The following FHIT variants were observed in gnomAD, a reference collection of about 807,000 sequenced individuals.
FHIT encodes bis(5'-adenosyl)-triphosphatase.
FHIT carries 19 observed loss-of-function variants against 17.9 expected under a neutral mutation model. That is an observed-to-expected ratio of 1.06 (90% CI 0.74 to 1.56). FHIT has a LOEUF of 1.56. Among genes scored for constraint, FHIT ranks in the 40% most tolerant of loss-of-function variants. The pLI is 0.00. For missense variants in FHIT, 248 were observed against 189.2 expected (o/e 1.31, Z -1.82); for synonymous variants, 81 against 69.7 (o/e 1.16, Z -0.81).
intron 8 of FHIT, among the ~76,000 whole-genome samples, chr3:59,812,976 G>A (rs112171322): frequency 0.014 from 2,081 of 152,082 alleles, 47 homozygotes; most frequent in African/African-American, 0.047. Flanking sequence ...AAAATTCCGT[G>A]CCCCTGGGTT....
Position 60,346,550 on chromosome 3 carries a change from C to G in FHIT, c.103+190310G>C, listed in dbSNP as rs78779204. Among the ~76,000 whole-genome samples, 181 of 152,222 alleles carry G rather than the reference C, an allele frequency of 1.2e-3. 1 individual carries two copies. Among genetic ancestry groups the G allele is most frequent in the African/African-American group, 4.2e-3 (176 of 41,524 alleles). ...TGGAATCGATCTATGAGATGAGGAC[C>G]TGTTAGCAGGAATCCCCCACGCTTT... is the stretch of plus-strand genomic sequence containing the variant. On this transcript the variant is annotated intron_variant, in intron 5 of 9. Transcript: ENST00000492590.
At chr3:60,697,303 T>C (rs957062742) in intron 4 of FHIT, among the ~76,000 whole-genome samples, 2 of 152,146 alleles carry the variant, frequency 1.3e-5, no homozygotes, top group Non-Finnish European at 2.9e-5. Flanking sequence ...GATCAGGGAA[T>C]TTTCAGAGGA....
intron 3 of FHIT, among the ~76,000 whole-genome samples, chr3:60,910,154 T>G (rs559816305): frequency 1.3e-5 from 2 of 152,318 alleles, no homozygotes; most frequent in South Asian, 4.1e-4. Flanking sequence ...GATAGGAATG[T>G]GACTCAATCT....
intron 3 of FHIT, among the ~76,000 whole-genome samples, chr3:60,929,185 T>C (rs151108334): frequency 1.8e-4 from 27 of 152,282 alleles, no homozygotes; most frequent in African/African-American, 6.5e-4. Flanking sequence ...AAACTCTCAA[T>C]AAATGAGGTA....
chr3:60,537,128 T>C (rs1198646800), intron 4 of FHIT, 149 bp from the exon 5 acceptor site: 10 of 661,420 alleles, frequency 1.5e-5, no homozygotes, highest in Non-Finnish European at 2.4e-5. Context: ...TTCACCAAGA[T>C]GCATTCTGGG....
rs1455984884 is a variant in FHIT, at chr3:60,606,539, C to G, written c.-17-69560G>C. Reference sequence around the variant, plus strand: ...TACAGGCGTGAGTCACCGAGCCCAGCCTGTGATAGCATCTTGATTCACTTT... The same window carrying G: ...TACAGGCGTGAGTCACCGAGCCCAGGCTGTGATAGCATCTTGATTCACTTT... On this transcript the variant is annotated intron_variant, in intron 4 of 9. Coordinates refer to ENST00000492590, the MANE Select transcript of FHIT (RefSeq NM_002012.4). 3.3e-5 allele frequency among the ~76,000 whole-genome samples: 5 copies of G among 152,246 alleles called. No homozygotes were observed. The East Asian group carries it at 9.7e-4, about 29-fold the overall frequency.
chr3:60,006,081 C>T (rs1699912012), intron 7 of FHIT, among the ~76,000 whole-genome samples: 1 of 152,160 alleles, frequency 6.6e-6, no homozygotes, highest in Admixed American at 6.6e-5. Context: ...TGTCCTATGG[C>T]TACCTTCTTC....
intron 4 of FHIT, among the ~76,000 whole-genome samples, chr3:60,565,251 G>C (rs182385159): frequency 3.3e-5 from 5 of 152,252 alleles, no homozygotes; most frequent in African/African-American, 1.2e-4. Context: ...TATTGCGATA[G>C]TCACTTTTTC....
At position 61,235,084 on chromosome 3, in the gene FHIT, C is replaced by T. The variant is rs116682083; in HGVS notation, c.-213+16217G>A. On this transcript the variant is annotated intron_variant, in intron 1 of 9. Coordinates refer to ENST00000492590, the MANE Select transcript of FHIT (RefSeq NM_002012.4). ...AACAATAAAAATGAATGTTAATTTGCTATGTCATTGATAAAAGCAATTCCT... is the reference window on the plus strand; with the variant it reads ...AACAATAAAAATGAATGTTAATTTGTTATGTCATTGATAAAAGCAATTCCT... Among the ~76,000 whole-genome samples, 1,241 of 152,286 alleles carry T rather than the reference C, an allele frequency of 8.1e-3. 19 individuals are homozygous for T. Among genetic ancestry groups the T allele is most frequent in the African/African-American group, 0.028 (1,180 of 41,560 alleles).
intron 3 of FHIT, among the ~76,000 whole-genome samples, chr3:60,881,635 G>C (rs1553757981): frequency 6.6e-6 from 1 of 151,972 alleles, no homozygotes. Flanking sequence ...AGGGACTTTT[G>C]GAAGCTCTAT....
At chr3:61,157,829 G>A (rs1229364030) in intron 2 of FHIT, among the ~76,000 whole-genome samples, 1 of 152,112 alleles carries the variant, frequency 6.6e-6, no homozygotes, top group Admixed American at 6.6e-5. Context: ...CTATTGATAG[G>A]AGTACATATA....
intron 5 of FHIT, among the ~76,000 whole-genome samples, chr3:60,110,209 G>T (rs1704611750): frequency 6.6e-6 from 1 of 152,088 alleles, no homozygotes; most frequent in South Asian, 2.1e-4. Context: ...AAATAATTTG[G>T]AATTTTTGGG....
rs869239307 is a variant in FHIT, at chr3:60,976,096, C to CTT, written c.-111+65949_-111+65950dup. Among the ~76,000 whole-genome samples, 190 of 66,768 alleles carry CTT rather than the reference C, an allele frequency of 2.8e-3. 19 individuals are homozygous for CTT. The highest frequency in any genetic ancestry group is 0.012 in the African/African-American group (174 of 15,088). 43.8% of individuals were successfully genotyped at this position (66,768 alleles called of 152,430 possible). On this transcript the variant is annotated intron_variant, in intron 3 of 9. Coordinates refer to ENST00000492590, the MANE Select transcript of FHIT (RefSeq NM_002012.4). Reference sequence around the variant, plus strand: ...CTTTGTATCTTTCGTTTTTCTTTTTCTTTTTTTTTTTTTTTTTTTTTTTTT... The same window carrying CTT: ...CTTTGTATCTTTCGTTTTTCTTTTTCTTTTTTTTTTTTTTTTTTTTTTTTTTT...
intron 8 of FHIT, among the ~76,000 whole-genome samples, chr3:59,815,187 T>G (rs1700554024): frequency 6.6e-6 from 1 of 152,168 alleles, no homozygotes; most frequent in Non-Finnish European, 1.5e-5. Context: ...CTGTTTTTTG[T>G]TTTTTTAACT....
chr3:60,832,435 C>T (rs1702364874), intron 3 of FHIT, among the ~76,000 whole-genome samples: 1 of 152,090 alleles, frequency 6.6e-6, no homozygotes, highest in African/African-American at 2.4e-5. Context: ...TTGCCATGCC[C>T]AATGTCTGTG....
intron 3 of FHIT, among the ~76,000 whole-genome samples, chr3:60,925,048 A>G (rs137995488): frequency 0.011 from 1,636 of 152,316 alleles, 62 homozygotes; most frequent in East Asian, 0.1. Flanking sequence ...TACAAGAAAT[A>G]TGGGACTATG....
At chr3:60,018,834 G>A (rs1180680490) in intron 5 of FHIT, among the ~76,000 whole-genome samples, 3 of 151,118 alleles carry the variant, frequency 2.0e-5, no homozygotes, top group Admixed American at 6.6e-5. Flanking sequence ...AAAAAAAACA[G>A]CTGGGCATGG....
At chr3:59,859,175 G>T (rs1262887301) in intron 8 of FHIT, among the ~76,000 whole-genome samples, 1 of 152,192 alleles carries the variant, frequency 6.6e-6, no homozygotes, top group African/African-American at 2.4e-5. Flanking sequence ...ATGATGGGGA[G>T]ATCTGGCAAG....
intron 4 of FHIT, among the ~76,000 whole-genome samples, chr3:60,610,863 G>C (rs1191262901): frequency 6.6e-6 from 1 of 152,134 alleles, no homozygotes; most frequent in Non-Finnish European, 1.5e-5. Flanking sequence ...GAGGAGGCAT[G>C]GTGCAATGAT....
Sources: gnomAD v4.1 joint callset for allele counts (sites outside exome capture counted in the v4.1 genomes callset) on GRCh38, gnomAD v4.1.1 for gene constraint, MANE v1.5 for transcripts, NCBI Gene and HGNC (gene_info 2026-07-23, HGNC 2026-07-21) for gene names.